CAMK4: variants seen among roughly 807,000 people sequenced by gnomAD.
CAMK4 encodes the protein calcium/calmodulin dependent protein kinase IV, also known as calcium/calmodulin-dependent protein kinase type IV.
In CAMK4, 22 loss-of-function variants were observed where a neutral mutation model predicts 44.9. The ratio of observed to expected loss-of-function variants is 0.49; its 90% CI spans 0.35 to 0.70. The LOEUF (loss-of-function observed/expected upper bound fraction) is 0.70, where lower values mean the gene tolerates loss of function less well. CAMK4 is among the 30% of genes least tolerant of loss of function. The probability of loss-of-function intolerance (pLI) is 0.01; values close to 1 mark genes in which losing one functional copy is unlikely to be tolerated. For synonymous variants in CAMK4, 218 were observed against 215.4 expected, an observed-to-expected ratio of 1.01 and a Z score of -0.11; for missense variants, 498 against 586.8, an observed-to-expected ratio of 0.85 and a Z score of 1.56.
chr5:111,322,316 G>C (rs1234292329), intron 1 of CAMK4, among the ~76,000 whole-genome samples: 1 of 152,044 alleles, frequency 6.6e-6, no homozygotes, highest in Non-Finnish European at 1.5e-5. Flanking sequence ...GGCCAGGGTG[G>C]AGAAACATTG....
At chr5:111,228,879 C>G (rs915428371) in intron 1 of CAMK4, among the ~76,000 whole-genome samples, 3 of 152,116 alleles carry the variant, frequency 2.0e-5, no homozygotes, top group Admixed American at 6.5e-5. Context: ...ACTGATTTTT[C>G]CCCTTCTAAA....
chr5:111,275,891 C>T (rs544983679), intron 1 of CAMK4, among the ~76,000 whole-genome samples: 1 of 151,764 alleles, frequency 6.6e-6, no homozygotes, highest in Non-Finnish European at 1.5e-5. Context: ...ACATATACCC[C>T]CAAAATAGGT....
Position 111,386,858 on chromosome 5 carries a change from GC to G in CAMK4, c.387-7847del, listed in dbSNP as rs550984989. 4.7e-3 allele frequency among the ~76,000 whole-genome samples: 713 copies of G among 152,310 alleles called. 6 individuals are homozygous for G. Among genetic ancestry groups the G allele is most frequent in the African/African-American group, 0.016 (671 of 41,570 alleles). On this transcript the variant is annotated intron_variant, in intron 4 of 10. Coordinates refer to ENST00000282356, the MANE Select transcript of CAMK4 (RefSeq NM_001744.6). ...TCCCAGATCTCCAGATGTCTGCTAG[GC>G]CCCCTGGCAGCTGAGGGACCTGTAG...
At chr5:111,238,747 A>G (rs1748855101) in intron 1 of CAMK4, among the ~76,000 whole-genome samples, 1 of 143,512 alleles carries the variant, frequency 7.0e-6, no homozygotes, top group Middle Eastern at 3.5e-3. Context: ...CCACTTCACA[A>G]GGAGTAAAGC....
intron 1 of CAMK4, among the ~76,000 whole-genome samples, chr5:111,281,881 A>AC (rs1334203684): frequency 1.3e-5 from 2 of 151,368 alleles, no homozygotes; most frequent in Non-Finnish European, 2.9e-5. Flanking sequence ...ACACGGTGAA[A>AC]CCCCGTCTCT....
At chr5:111,391,584 G>A (rs536929756) in intron 4 of CAMK4, among the ~76,000 whole-genome samples, 3 of 151,804 alleles carry the variant, frequency 2.0e-5, no homozygotes, top group Non-Finnish European at 4.4e-5. Flanking sequence ...GAAAACTGTA[G>A]GACAACAATA....
intron 8 of CAMK4, among the ~76,000 whole-genome samples, chr5:111,477,214 C>A (rs1472646526): frequency 6.6e-6 from 1 of 152,122 alleles, no homozygotes; most frequent in Non-Finnish European, 1.5e-5. Context: ...CACATTGGCC[C>A]AGGGGTCTGC....
intron 4 of CAMK4, among the ~76,000 whole-genome samples, chr5:111,382,209 A>C (rs1751443576): frequency 6.6e-6 from 1 of 152,164 alleles, no homozygotes; most frequent in Admixed American, 6.6e-5. Context: ...TTAAAAAGTT[A>C]TTAATAGGTC....
chr5:111,295,673 T>C (rs936899141), intron 1 of CAMK4, among the ~76,000 whole-genome samples: 2 of 152,212 alleles, frequency 1.3e-5, no homozygotes, highest in African/African-American at 4.8e-5. Context: ...AATTCCAAAA[T>C]ATATTCTGGA....
chr5:111,316,383 G>A (rs775112328), intron 1 of CAMK4, among the ~76,000 whole-genome samples: 12 of 152,158 alleles, frequency 7.9e-5, no homozygotes, highest in Non-Finnish European at 1.8e-4. Context: ...CATTTGCCCA[G>A]GAGGCTTAGA....
intron 1 of CAMK4, among the ~76,000 whole-genome samples, chr5:111,230,762 G>C (rs1281514174): frequency 1.4e-4 from 21 of 151,922 alleles, no homozygotes; most frequent in Admixed American, 1.4e-3. Flanking sequence ...GCCAAGTGAA[G>C]TGTTTCAACT....
At chr5:111,405,142 C>A (rs1752373005) in intron 5 of CAMK4, among the ~76,000 whole-genome samples, 1 of 152,162 alleles carries the variant, frequency 6.6e-6, no homozygotes, top group Non-Finnish European at 1.5e-5. Flanking sequence ...CAGAAAATAT[C>A]TTGCCAGAGA....
intron 5 of CAMK4, among the ~76,000 whole-genome samples, chr5:111,404,803 C>T (rs370411651): frequency 5.3e-5 from 8 of 152,044 alleles, no homozygotes; most frequent in African/African-American, 1.2e-4. Context: ...AAAGGAGGTT[C>T]GTTTAGTTGG....
At chr5:111,322,927 C>G (rs1660929) in intron 1 of CAMK4, among the ~76,000 whole-genome samples, 77,227 of 151,740 alleles carry the variant, frequency 0.51, 20,734 homozygotes, top group South Asian at 0.68. Context: ...AACTTGAAGA[C>G]AAATCAATAG....
chr5:111,353,817 A>C (rs1750214457), intron 2 of CAMK4, among the ~76,000 whole-genome samples: 1 of 152,122 alleles, frequency 6.6e-6, no homozygotes, highest in South Asian at 2.1e-4. Context: ...TACTCTGAAA[A>C]CTGTAAAACA....
At chr5:111,313,325 C>T (rs1043382351) in intron 1 of CAMK4, among the ~76,000 whole-genome samples, 9 of 152,144 alleles carry the variant, frequency 5.9e-5, no homozygotes, top group Non-Finnish European at 2.9e-5. Context: ...GGAGTCTCTT[C>T]AGTTAACAGA....
intron 1 of CAMK4, among the ~76,000 whole-genome samples, chr5:111,273,441 T>A (rs772661399): frequency 4.0e-5 from 6 of 151,672 alleles, no homozygotes; most frequent in Non-Finnish European, 8.8e-5. Flanking sequence ...GAGAGTATAG[T>A]AACAATACCC....
At chr5:111,481,341 A>G (rs1319743367) in intron 9 of CAMK4, among the ~76,000 whole-genome samples, 3 of 152,170 alleles carry the variant, frequency 2.0e-5, no homozygotes, top group African/African-American at 7.2e-5. Context: ...AGCCATGACT[A>G]CTATCAGATT....
chr5:111,364,160 A>G (rs992364989), intron 2 of CAMK4, among the ~76,000 whole-genome samples: 3 of 150,880 alleles, frequency 2.0e-5, no homozygotes, highest in Admixed American at 6.6e-5. Context: ...TGGAAGTGGG[A>G]GGGGATGGTA....
Sources: allele counts gnomAD v4.1 joint callset (sites outside exome capture counted in the v4.1 genomes callset), GRCh38; gene constraint gnomAD v4.1.1; transcripts MANE v1.5; gene names NCBI Gene and HGNC (gene_info 2026-07-23, HGNC 2026-07-21).